The following LMBR1 variants were observed in gnomAD, a reference collection of about 807,000 sequenced individuals.
LMBR1 encodes limb region 1 protein homolog.
Under a neutral mutation model 73.9 loss-of-function variants are expected in LMBR1, and 52 were observed. The ratio of observed to expected loss-of-function variants is 0.70; its 90% CI spans 0.56 to 0.89. The LOEUF (loss-of-function observed/expected upper bound fraction) is 0.89, where lower values mean the gene tolerates loss of function less well. LMBR1 is among the 40% of genes least tolerant of loss of function. The probability of loss-of-function intolerance (pLI) is 0.00; values close to 1 mark genes in which losing one functional copy is unlikely to be tolerated. For synonymous variants in LMBR1, 215 were observed against 209.4 expected (o/e 1.03, Z -0.23); for missense variants, 539 against 579.8 (o/e 0.93, Z 0.72).
chr7:156,854,866 C>T (rs1040173682), intron 1 of LMBR1, among the ~76,000 whole-genome samples: 1 of 152,146 alleles, frequency 6.6e-6, no homozygotes, highest in African/African-American at 2.4e-5. Flanking sequence ...CCAAAGACAA[C>T]AGAAGAGATA....
chr7:156,756,846 C>T (rs1049665334), intron 8 of LMBR1, among the ~76,000 whole-genome samples: 6 of 152,090 alleles, frequency 3.9e-5, no homozygotes, highest in Non-Finnish European at 7.4e-5. Context: ...GACAGTCTCA[C>T]TCTGATGCCC....
chr7:156,743,545 T>A (rs1456338060), intron 9 of LMBR1, among the ~76,000 whole-genome samples: 1 of 152,192 alleles, frequency 6.6e-6, no homozygotes, highest in Non-Finnish European at 1.5e-5. Flanking sequence ...AACAGTGACA[T>A]CAAGGGACTA....
At chr7:156,804,954 T>C (rs1585907652) in intron 4 of LMBR1, among the ~76,000 whole-genome samples, 1 of 152,282 alleles carries the variant, frequency 6.6e-6, no homozygotes, top group African/African-American at 2.4e-5. Context: ...CTTCTACAAG[T>C]TTCATAGTTT....
In LMBR1 at chr7:156,882,542, C is replaced by T. The variant is rs1017234491; in HGVS notation, c.66+10386G>A. Among the ~76,000 whole-genome samples the T allele has an allele frequency of 7.2e-5, 11 of 152,282 alleles. No individual in the cohort carries two copies. The South Asian group carries it at 2.1e-3, about 29-fold the overall frequency. On this transcript the variant is annotated intron_variant, in intron 1 of 16. Transcript: ENST00000353442. ...AGAAGACAAATACTGCATGATCCCA[C>T]TTATATAAGGTATCTAAAATGGTCA...
chr7:156,783,339 A>AT (rs560329241), intron 5 of LMBR1, among the ~76,000 whole-genome samples: 5 of 151,148 alleles, frequency 3.3e-5, no homozygotes, highest in African/African-American at 1.2e-4. Flanking sequence ...GGCTCAGTTA[A>AT]TTTTTTTTAT....
At chr7:156,888,065 A>G (rs1802217527) in intron 1 of LMBR1, among the ~76,000 whole-genome samples, 1 of 152,228 alleles carries the variant, frequency 6.6e-6, no homozygotes, top group Non-Finnish European at 1.5e-5. Flanking sequence ...GCTAGTGGGA[A>G]TATAAAATGG....
At position 156,680,232 on chromosome 7, in the gene LMBR1, T is replaced by A. The variant is rs1804771972; in HGVS notation, c.*3846A>T. 6.6e-6 allele frequency: 1 copy of A among 152,098 alleles called. No homozygotes were observed. The highest frequency in any genetic ancestry group is 1.5e-5 in the Non-Finnish European group (1 of 68,036). The allele number at this position is 152,098 out of a possible 1,614,324, so 9.4% of individuals were successfully genotyped here. A position where few individuals can be genotyped will look rare whatever the true frequency, so the allele number is the denominator to read the frequency against. On this transcript the variant is annotated 3_prime_UTR_variant, in exon 17 of 17. Coordinates refer to ENST00000353442, the MANE Select transcript of LMBR1 (RefSeq NM_022458.4). ...CAAAGGGATGCTTTTCAAACTGAAG[T>A]CTGCCATCTATTAGGAGGCCACAAA...
At chr7:156,690,751 CATT>C (rs1447460362) in intron 15 of LMBR1, among the ~76,000 whole-genome samples, 3 of 151,528 alleles carry the variant, frequency 2.0e-5, no homozygotes, top group Non-Finnish European at 4.4e-5. Flanking sequence ...TCCAAGACAT[CATT>C]GTGTTGAATT....
At chr7:156,674,452 C>T (rs1311683880), downstream of LMBR1, among the ~76,000 whole-genome samples, 1 of 152,228 alleles carries the variant, frequency 6.6e-6, no homozygotes, top group Non-Finnish European at 1.5e-5. Context: ...CTTTTACACA[C>T]CTTATTCTCC....
At chr7:156,834,602 C>CAA (rs11415353) in intron 2 of LMBR1, 535 of 205,516 alleles carry the variant, frequency 2.6e-3, no homozygotes, top group Middle Eastern at 6.0e-3. Context: ...GATCCTATCT[C>CAA]AAAAAAAAAA....
rs1198627704 is a variant in LMBR1 at position 156,821,654 on chromosome 7, A to G, written c.319+4951T>C. ...ACATGAACAGACCTCTTTGAATGGG[A>G]AAAAAATGTGAAAGTATTTGTGTCC... On this transcript the variant is annotated intron_variant, in intron 4 of 16. Transcript: ENST00000353442. 3.9e-5 allele frequency among the ~76,000 whole-genome samples: 6 copies of G among 152,298 alleles called. No individual in the cohort carries two copies. In the East Asian group the frequency reaches 9.6e-4, roughly 24 times the overall value.
At chr7:156,877,881 CA>C (rs35576209) in intron 1 of LMBR1, among the ~76,000 whole-genome samples, 57,642 of 121,680 alleles carry the variant, frequency 0.47, 11,848 homozygotes, top group East Asian at 0.61. Flanking sequence ...AGACTCCACT[CA>C]AAAAAAAAAA....
intron 15 of LMBR1, among the ~76,000 whole-genome samples, chr7:156,720,511 T>TTA (rs1814312364): frequency 6.6e-6 from 1 of 152,152 alleles, no homozygotes; most frequent in Non-Finnish European, 1.5e-5. Flanking sequence ...AGTTGCTCTC[T>TTA]TAACTGTTTT....
intron 3 of LMBR1, among the ~76,000 whole-genome samples, chr7:156,829,041 A>C (rs1836196138): frequency 6.6e-6 from 1 of 152,174 alleles, no homozygotes; most frequent in Admixed American, 6.5e-5. Context: ...CCTTATCTAA[A>C]AAAAATCAAA....
intron 9 of LMBR1, among the ~76,000 whole-genome samples, chr7:156,754,548 T>A (rs1222736465): frequency 1.3e-5 from 2 of 151,486 alleles, no homozygotes; most frequent in Non-Finnish European, 2.9e-5. Context: ...CAATCAGCAA[T>A]GGAATTTGTA....
chr7:156,716,780 C>A (rs908631778), intron 15 of LMBR1, among the ~76,000 whole-genome samples: 4 of 152,144 alleles, frequency 2.6e-5, no homozygotes, highest in Non-Finnish European at 5.9e-5. Flanking sequence ...TTATGCTATA[C>A]AAGTCTGACT....
intron 4 of LMBR1, chr7:156,823,484 G>C (rs972117520): frequency 1.3e-5 from 2 of 152,118 alleles, no homozygotes; most frequent in Non-Finnish European, 2.9e-5. Context: ...AAATCCTCTA[G>C]ATGCTCAACA....
At chr7:156,807,983 T>A (rs921224340) in intron 4 of LMBR1, among the ~76,000 whole-genome samples, 3 of 152,160 alleles carry the variant, frequency 2.0e-5, no homozygotes, top group Admixed American at 6.5e-5. Context: ...ACAGAGTGTA[T>A]CTTGTATGAC....
intron 5 of LMBR1, among the ~76,000 whole-genome samples, chr7:156,788,503 T>C (rs370176307): frequency 1.3e-5 from 2 of 151,758 alleles, no homozygotes; most frequent in African/African-American, 4.9e-5. Flanking sequence ...ACCACGCCTA[T>C]GGCTTGTCCA....
Sources: allele counts gnomAD v4.1 joint callset (sites outside exome capture counted in the v4.1 genomes callset), GRCh38; gene constraint gnomAD v4.1.1; transcripts MANE v1.5; gene names NCBI Gene and HGNC (gene_info 2026-07-23, HGNC 2026-07-21).